The following NAA35 variants were observed in gnomAD, a reference collection of about 807,000 sequenced individuals.
NAA35 encodes the protein N-alpha-acetyltransferase 35, NatC auxiliary subunit.
In NAA35, 18 loss-of-function variants were observed where a neutral mutation model predicts 101.7. The observed-to-expected ratio is 0.18, with a 90% CI of 0.12 to 0.26. The LOEUF is 0.26. NAA35 is among the 10% of genes least tolerant of loss of function. The pLI, the probability that NAA35 is intolerant of heterozygous loss-of-function variation, is 1.00. For synonymous variants in NAA35, 267 were observed against 273.1 expected, an observed-to-expected ratio of 0.98 and a Z score of 0.22; for missense variants, 601 against 886.8, an observed-to-expected ratio of 0.68 and a Z score of 4.09.
chr9:85,945,670 C>T (rs1336149513), intron 2 of NAA35, among the ~76,000 whole-genome samples: 1 of 152,060 alleles, frequency 6.6e-6, no homozygotes, highest in African/African-American at 2.4e-5. Context: ...AGGCGCCCGT[C>T]ACCACGCCTG....
chr9:85,990,924 C>G (rs1372610003), intron 11 of NAA35, among the ~76,000 whole-genome samples: 3 of 152,162 alleles, frequency 2.0e-5, no homozygotes, highest in African/African-American at 7.2e-5. Flanking sequence ...GGGAGGGCAT[C>G]TGCAAAGAGA....
rs1433573975 is a variant in NAA35 at position 85,958,368 on chromosome 9, A to G, written c.159-104A>G. ...CAAGTTGAGAAGACTAAATGCATAG[A>G]ATACTTTAGTTATTAAAAGTAGTAT... On this transcript the variant is annotated intron_variant, in intron 3 of 22. Coordinates refer to ENST00000361671, the MANE Select transcript of NAA35 (RefSeq NM_024635.4). The G allele has an allele frequency of 4.9e-6, 3 of 609,102 alleles. No individual in the cohort carries two copies. In the East Asian group the frequency reaches 8.8e-5, roughly 18 times the overall value. The allele number at this position is 609,102 out of a possible 1,614,324, so 37.7% of individuals were successfully genotyped here.
rs115052955 is a variant in NAA35 at position 85,982,929 on chromosome 9, T to A, written c.877+4548T>A. 2.1e-3 allele frequency among the ~76,000 whole-genome samples: 314 copies of A among 152,290 alleles called. 1 individual carries two copies. The highest frequency in any genetic ancestry group is 7.3e-3 in the African/African-American group (303 of 41,560). ...TATTTTTAGCCACTGATAGAGGAAG[T>A]CAAAGGCAGCCCAGTTTATACAGTG... On this transcript the variant is annotated intron_variant, in intron 11 of 22. Transcript: ENST00000361671.
At chr9:85,950,704 T>G (rs1828980929) in intron 2 of NAA35, among the ~76,000 whole-genome samples, 1 of 152,214 alleles carries the variant, frequency 6.6e-6, no homozygotes, top group Non-Finnish European at 1.5e-5. Flanking sequence ...AAATACATGA[T>G]AGATTATTAC....
intron 2 of NAA35, among the ~76,000 whole-genome samples, chr9:85,949,371 C>T (rs1384209131): frequency 2.0e-5 from 3 of 150,910 alleles, no homozygotes; most frequent in South Asian, 4.2e-4. Flanking sequence ...CTCGGCTCAC[C>T]GCAACCTCCA....
chr9:85,983,968 A>T (rs1830541710), intron 11 of NAA35, among the ~76,000 whole-genome samples: 1 of 151,950 alleles, frequency 6.6e-6, no homozygotes, highest in African/African-American at 2.4e-5. Flanking sequence ...TAAATAAAAC[A>T]TATAAAGGAT....
At position 86,007,348 on chromosome 9, in the gene NAA35, T is replaced by C. The variant is rs962785086; in HGVS notation, c.1117-10T>C. 2.5e-6 allele frequency: 4 copies of C among 1,597,512 alleles called. No individual in the cohort carries two copies. Among genetic ancestry groups the C allele is most frequent in the Non-Finnish European group, 3.4e-6 (4 of 1,165,478 alleles). On this transcript the variant is annotated splice_polypyrimidine_tract_variant and intron_variant, in intron 13 of 22. Transcript: ENST00000361671. ...TGACACCGTAACTAATATATAACAT[T>C]TGTTTTAAGACCACTTTCCTGGTGG...
At chr9:86,004,397 T>G (rs1831542577) in intron 13 of NAA35, among the ~76,000 whole-genome samples, 1 of 150,694 alleles carries the variant, frequency 6.6e-6, no homozygotes. Context: ...GAGGATCGCT[T>G]GAACCTGGGA....
intron 11 of NAA35, among the ~76,000 whole-genome samples, chr9:85,985,648 A>G (rs1830617512): frequency 6.6e-6 from 1 of 152,196 alleles, no homozygotes. Context: ...GGTGATGAAA[A>G]TGTTCTAAAT....
intron 8 of NAA35, 34 bp from the exon 9 acceptor site, chr9:85,976,647 TCAGG>T: frequency 6.9e-7 from 1 of 1,445,472 alleles, no homozygotes; most frequent in Admixed American, 2.2e-5. Flanking sequence ...TAATATTTTT[TCAGG>T]TTTGTGTTTA....
intron 15 of NAA35, among the ~76,000 whole-genome samples, chr9:86,010,848 A>AT (rs1831891279): frequency 6.6e-6 from 1 of 151,040 alleles, no homozygotes; most frequent in Non-Finnish European, 1.5e-5. Context: ...AAGTGCTGGG[A>AT]TTACAAGCGT....
At chr9:85,954,189 T>G (rs928430929) in intron 2 of NAA35, among the ~76,000 whole-genome samples, 2 of 152,178 alleles carry the variant, frequency 1.3e-5, no homozygotes, top group Non-Finnish European at 2.9e-5. Flanking sequence ...CAAGCAATCC[T>G]CCCACCTCAG....
At chr9:86,008,448 C>T (rs1186202562) in intron 14 of NAA35, among the ~76,000 whole-genome samples, 1 of 152,134 alleles carries the variant, frequency 6.6e-6, no homozygotes, top group East Asian at 1.9e-4. Context: ...TTGGTATACA[C>T]TATTGGGTCA....
At chr9:85,951,782 A>G (rs928544117) in intron 2 of NAA35, among the ~76,000 whole-genome samples, 4 of 151,994 alleles carry the variant, frequency 2.6e-5, no homozygotes, top group African/African-American at 9.7e-5. Flanking sequence ...AGCATCCTGA[A>G]TAGAGTAGCT....
At chr9:85,972,378 G>A (rs1012838121) in intron 6 of NAA35, among the ~76,000 whole-genome samples, 2 of 151,706 alleles carry the variant, frequency 1.3e-5, no homozygotes, top group Admixed American at 1.3e-4. Context: ...GTGTGGTGGT[G>A]CATGCCTGTA....
At chr9:85,953,714 C>T (rs1255809715) in intron 2 of NAA35, among the ~76,000 whole-genome samples, 1 of 152,204 alleles carries the variant, frequency 6.6e-6, no homozygotes, top group African/African-American at 2.4e-5. Flanking sequence ...CAGGCATGAG[C>T]CACCATGCCT....
Position 86,024,460 on chromosome 9 carries a change from T to C in NAA35, c.*2500T>C, listed in dbSNP as rs1239160842. On this transcript the variant is annotated 3_prime_UTR_variant, in exon 23 of 23. Transcript: ENST00000361671. Reference sequence around the variant, plus strand: ...TACTGAAGGCTTGTATGCAGGGACATGATGGGATCAAGTCAAATCTGCTTG... The same window carrying C: ...TACTGAAGGCTTGTATGCAGGGACACGATGGGATCAAGTCAAATCTGCTTG... Among the ~76,000 whole-genome samples, 2 of 152,168 alleles carry C rather than the reference T, an allele frequency of 1.3e-5. No individual in the cohort carries two copies. The highest frequency in any genetic ancestry group is 2.4e-5 in the African/African-American group (1 of 41,436).
chr9:86,021,889 T>C lies in NAA35; in HGVS notation c.2119-12T>C. The C allele has an allele frequency of 6.2e-7, 1 of 1,609,002 alleles. No homozygotes were observed. Among genetic ancestry groups the C allele is most frequent in the Non-Finnish European group, 8.5e-7 (1 of 1,176,200 alleles). On this transcript the variant is annotated splice_polypyrimidine_tract_variant and intron_variant, in intron 22 of 22. Transcript: ENST00000361671. ...GTAGATACATTAATTGAGTTTCGTT[T>C]TTCTTTAACAGGTTCCTCCTGAATT...
At position 85,976,109 on chromosome 9, in the gene NAA35, T is replaced by G. The variant is rs74985256; in HGVS notation, c.628-576T>G. 4.9e-3 allele frequency among the ~76,000 whole-genome samples: 745 copies of G among 152,284 alleles called. 2 individuals are homozygous for G. Among genetic ancestry groups the G allele is most frequent in the African/African-American group, 0.015 (632 of 41,572 alleles). ...GAAAATACAGATCAAAGGAGTTAAA[T>G]AACCTGTGTCTTAGCTTTACTAAAG... On this transcript the variant is annotated intron_variant, in intron 8 of 22. Transcript: ENST00000361671.
Sources: allele counts gnomAD v4.1 joint callset (sites outside exome capture counted in the v4.1 genomes callset), GRCh38; gene constraint gnomAD v4.1.1; transcripts MANE v1.5; gene names NCBI Gene and HGNC (gene_info 2026-07-23, HGNC 2026-07-21).